Variants in USP12 observed in about 807,000 individuals in gnomAD.
The protein encoded by USP12 is ubiquitin carboxyl-terminal hydrolase 12.
Under a neutral mutation model 45.5 loss-of-function variants are expected in USP12, and 19 were observed. That is an observed-to-expected ratio of 0.42 (90% CI 0.29 to 0.61). The LOEUF is 0.61. Ranked by LOEUF, USP12 falls within the 20% of genes least tolerant of loss-of-function variation. The pLI is 0.22. For missense variants in USP12, 242 were observed against 447.7 expected (o/e 0.54, Z 4.15); for synonymous variants, 149 against 148.8 (o/e 1.00, Z -0.01).
chr13:27,136,279 C>T (rs1411380414), intron 1 of USP12, among the ~76,000 whole-genome samples: 1 of 152,168 alleles, frequency 6.6e-6, no homozygotes, highest in Non-Finnish European at 1.5e-5. Flanking sequence ...AGGTGGATCA[C>T]CTGAGGTCAG....
At chr13:27,084,169 T>TACATACACACACACACAC (rs1295472031) in intron 6 of USP12, among the ~76,000 whole-genome samples, 74 of 142,506 alleles carry the variant, frequency 5.2e-4, no homozygotes, top group African/African-American at 1.9e-3. Context: ...CATGTTTGCA[T>TACATACACACACACACAC]ACACACACAC....
chr13:27,139,107 C>A (rs1403387691), intron 1 of USP12, among the ~76,000 whole-genome samples: 2 of 152,174 alleles, frequency 1.3e-5, no homozygotes, highest in African/African-American at 2.4e-5. Flanking sequence ...GGACTTTTCC[C>A]AGATTTATGA....
chr13:27,066,417 G>A lies in USP12; in HGVS notation c.*2866C>T, dbSNP rs1209074018. 6.6e-6 allele frequency: 1 copy of A among 152,070 alleles called. No homozygotes were observed. The highest frequency in any genetic ancestry group is 2.4e-5 in the African/African-American group (1 of 41,398). The allele number at this position is 152,070 out of a possible 1,614,324, so 9.4% of individuals were successfully genotyped here. The stretch of plus-strand genomic sequence containing the variant: ...GCTCCCAGCCAAATACCTCATGATA[G>A]AATCTTTAATAAAAAGTGTTTTTAA... On this transcript the variant is annotated 3_prime_UTR_variant, in exon 9 of 9. Transcript: ENST00000282344.
intron 3 of USP12, among the ~76,000 whole-genome samples, chr13:27,096,801 A>G (rs73155871): frequency 0.047 from 7,141 of 152,244 alleles, 200 homozygotes; most frequent in African/African-American, 0.056. Context: ...CCTATTTAGG[A>G]CATTTTATTT....
chr13:27,114,047 C>T (rs568054914), intron 2 of USP12, among the ~76,000 whole-genome samples: 48 of 152,156 alleles, frequency 3.2e-4, no homozygotes, highest in Non-Finnish European at 6.2e-4. Context: ...GAAGGGAAAG[C>T]ACATTTCTTT....
At chr13:27,079,229 T>TGGGGGG (rs1215824218) in intron 6 of USP12, among the ~76,000 whole-genome samples, 1 of 45,994 alleles carries the variant, frequency 2.2e-5, no homozygotes, top group Non-Finnish European at 4.5e-5. Context: ...CGGGGGGGAG[T>TGGGGGG]GGGGGGAGAG....
intron 1 of USP12, among the ~76,000 whole-genome samples, chr13:27,145,499 C>T (rs1006644137): frequency 3.9e-5 from 6 of 152,118 alleles, no homozygotes; most frequent in Non-Finnish European, 7.4e-5. Flanking sequence ...AGGTTAGTAG[C>T]TTTTCAGTTA....
intron 1 of USP12, among the ~76,000 whole-genome samples, chr13:27,159,573 T>C (rs1878009603): frequency 6.6e-6 from 1 of 152,232 alleles, no homozygotes; most frequent in African/African-American, 2.4e-5. Flanking sequence ...ACCAAAAATG[T>C]ACCCAAATAT....
chr13:27,113,301 A>G (rs1302193666), intron 2 of USP12, among the ~76,000 whole-genome samples: 4 of 152,168 alleles, frequency 2.6e-5, no homozygotes, highest in Non-Finnish European at 5.9e-5. Context: ...AAAAACCCAG[A>G]CAAATAAAAA....
At chr13:27,090,477 T>A (rs1874258938) in intron 4 of USP12, among the ~76,000 whole-genome samples, 2 of 152,124 alleles carry the variant, frequency 1.3e-5, no homozygotes, top group South Asian at 4.1e-4. Flanking sequence ...ATACACTGAT[T>A]CTTAAAAAAA....
chr13:27,165,264 G>A (rs1878301160), intron 1 of USP12, among the ~76,000 whole-genome samples: 1 of 151,992 alleles, frequency 6.6e-6, no homozygotes, highest in Non-Finnish European at 1.5e-5. Context: ...AGAGAAAGAA[G>A]ACAATCTACA....
Position 27,075,291 on chromosome 13 carries a change from C to A in USP12, c.832G>T (p.Val278Leu). 1 of 1,614,010 alleles carries A rather than the reference C, an allele frequency of 6.2e-7. No individual in the cohort carries two copies. The highest frequency in any genetic ancestry group is 8.5e-7 in the Non-Finnish European group (1 of 1,179,934). The change falls in exon 7 of 9, where the codon GTA becomes TTA. Residue 278 changes from valine to leucine, a missense_variant. Physicochemically the swap from Val to Leu is conservative, Grantham distance 32. This residue lies in a region of USP12 where 94 missense variants were observed against 168.3 expected (regional missense o/e 0.56). Coordinates refer to ENST00000282344, the MANE Select transcript of USP12 (RefSeq NM_182488.4). ...AGACGAAGTTCTAAAGGAAAAACTA[C>A]CCGGTAAGAGAGTTTTGTATATCGA... ...LHRYTKLSYRVVFPLELRLFN... is the reference protein window; with the variant it reads ...LHRYTKLSYRLVFPLELRLFN...
chr13:27,165,335 AG>A (rs148191332), intron 1 of USP12, among the ~76,000 whole-genome samples: 1,611 of 152,290 alleles, frequency 0.011, 33 homozygotes, highest in African/African-American at 0.037. Context: ...GTGCTTTCTC[AG>A]GGGTATATAC....
chr13:27,151,507 C>A (rs1387185989), intron 1 of USP12, among the ~76,000 whole-genome samples: 1 of 152,034 alleles, frequency 6.6e-6, no homozygotes, highest in Non-Finnish European at 1.5e-5. Context: ...CAGGGCCAGG[C>A]AGGGTGGCTA....
intron 2 of USP12, among the ~76,000 whole-genome samples, chr13:27,115,135 C>T (rs1011032544): frequency 1.3e-5 from 2 of 152,286 alleles, no homozygotes; most frequent in South Asian, 4.2e-4. Flanking sequence ...TATATTTCTA[C>T]TGATCAAATG....
At chr13:27,169,175 T>A (rs1232825073) in intron 1 of USP12, 1 of 152,234 alleles carries the variant, frequency 6.6e-6, no homozygotes, top group Non-Finnish European at 1.5e-5. Context: ...AAAAATTTAC[T>A]GCACAGTAAG....
chr13:27,122,809 C>T (rs553986133), intron 1 of USP12, among the ~76,000 whole-genome samples: 9 of 151,964 alleles, frequency 5.9e-5, no homozygotes, highest in Admixed American at 2.0e-4. Context: ...AAACAGGAAA[C>T]GTGGCCAGGC....
At position 27,076,025 on chromosome 13, in the gene USP12, G is replaced by T. The variant is rs753893782; in HGVS notation, c.735-637C>A. ...AGCCTGGGTGACAGAGCAAGGCTCC[G>T]TCTCAAAAAAAAAAAAAAAAAAGAG... On this transcript the variant is annotated intron_variant, in intron 6 of 8. Transcript: ENST00000282344. Among the ~76,000 whole-genome samples the T allele has an allele frequency of 9.3e-3, 847 of 91,104 alleles. 5 individuals are homozygous for T. The highest frequency in any genetic ancestry group is 0.028 in the Middle Eastern group (4 of 144). 59.8% of individuals were successfully genotyped at this position (91,104 alleles called of 152,430 possible).
chr13:27,105,518 C>T (rs17520180), intron 3 of USP12, among the ~76,000 whole-genome samples: 16,250 of 152,220 alleles, frequency 0.11, 1,110 homozygotes, highest in Middle Eastern at 0.23. Context: ...CTGTATAACG[C>T]AATGCAAACA....
Sources: allele counts gnomAD v4.1 joint callset (sites outside exome capture counted in the v4.1 genomes callset), GRCh38; gene constraint gnomAD v4.1.1; regional missense constraint gnomAD v4.1.1; transcripts MANE v1.5; gene names NCBI Gene and HGNC (gene_info 2026-07-23, HGNC 2026-07-21).